AFMID: variants seen among roughly 807,000 people sequenced by gnomAD.
AFMID encodes the protein kynurenine formamidase.
In AFMID, 39 loss-of-function variants were observed where a neutral mutation model predicts 47.5. The ratio of observed to expected loss-of-function variants is 0.82; its 90% CI spans 0.64 to 1.07. AFMID has a LOEUF of 1.07. AFMID is among the 50% of genes least tolerant of loss of function. The pLI is 0.00. For missense variants in AFMID, 375 were observed against 387.5 expected (o/e 0.97, Z 0.27); for synonymous variants, 130 against 153.2 (o/e 0.85, Z 1.12).
At position 78,206,056 on chromosome 17, in the gene AFMID, G is replaced by A; in HGVS notation, c.885+6G>A. ...AGGACAACGTGCTCACCCAGGTGGG[G>A]CCTCATCCCTGGCAGCCCTTTCATG... On this transcript the variant is annotated splice_donor_region_variant and intron_variant, in intron 10 of 10. Coordinates refer to ENST00000409257, the MANE Select transcript of AFMID (RefSeq NM_001010982.5). 6.2e-7 allele frequency: 1 copy of A among 1,613,280 alleles called. No individual in the cohort carries two copies. Among genetic ancestry groups the A allele is most frequent in the Non-Finnish European group, 8.5e-7 (1 of 1,179,350 alleles).
chr17:78,204,691 C>G lies in AFMID; in HGVS notation c.344C>G (p.Thr115Arg). 6.2e-7 allele frequency: 1 copy of G among 1,614,194 alleles called. No homozygotes were observed. Among genetic ancestry groups the G allele is most frequent in the Non-Finnish European group, 8.5e-7 (1 of 1,180,048 alleles). ...DESAFMVHPL[T>R]AQGVAVVIVA... ...TCTGCCTTCATGGTCCACCCGCTGA[C>G]GGCACAGGGAGTGGCCGTGGTAATA... Residue 115 changes from threonine (T) to arginine (R), a missense_variant, in exon 5 of 11, where the codon ACG (threonine) becomes AGG (arginine). Thr to Arg is a moderately conservative substitution (Grantham distance 71). Transcript: ENST00000409257.
Position 78,206,038 on chromosome 17 carries a change from C to T in AFMID, c.873C>T (p.Asn291=), listed in dbSNP as rs745657671. Residue 291 remains asparagine (N), a synonymous_variant, in exon 10 of 11, where the codon AAC becomes AAT. Transcript: ENST00000409257. ...EIVENLTQKD[N]VLTQIILKTI... ...TTGAGAATCTGACCCAGAAGGACAA[C>T]GTGCTCACCCAGGTGGGGCCTCATC... The T allele has an allele frequency of 1.4e-5, 22 of 1,613,984 alleles. No individual in the cohort carries two copies. Among genetic ancestry groups the T allele is most frequent in the South Asian group, 3.3e-5 (3 of 91,078 alleles).
chr17:78,204,204 C>T (rs550384001), intron 4 of AFMID, among the ~76,000 whole-genome samples: 1 of 152,158 alleles, frequency 6.6e-6, no homozygotes, highest in Admixed American at 6.5e-5. Context: ...CCTATAATCC[C>T]ACACATTGGG....
At chr17:78,206,255 C>T (rs1462576240) in intron 10 of AFMID, among the ~76,000 whole-genome samples, 1 of 147,044 alleles carries the variant, frequency 6.8e-6, no homozygotes, top group South Asian at 2.2e-4. Context: ...ATGAGAATTG[C>T]TTTAACCCAG....
chr17:78,198,478 C>T (rs549705228), intron 2 of AFMID, among the ~76,000 whole-genome samples: 13 of 151,344 alleles, frequency 8.6e-5, no homozygotes, highest in African/African-American at 2.7e-4. Flanking sequence ...CATGGTGGTG[C>T]GTGCCTGTAA....
At chr17:78,202,913 C>T in intron 4 of AFMID, 162 bp downstream of exon 4, 2 of 897,132 alleles carry the variant, frequency 2.2e-6, no homozygotes, top group South Asian at 1.6e-5. Context: ...CAAATGTGGG[C>T]AGGGTTCCTA....
chr17:78,190,866 G>A (rs1034279486), intron 1 of AFMID, 104 bp from the exon 2 acceptor site: 4 of 965,524 alleles, frequency 4.1e-6, no homozygotes, highest in South Asian at 3.0e-5. Context: ...ATACTGGGGC[G>A]AGGGCTTCTA....
At position 78,206,796 on chromosome 17, in the gene AFMID, G is replaced by T. The variant is rs1287031872; in HGVS notation, c.886-115G>T. The T allele has an allele frequency of 1.2e-5, 13 of 1,128,486 alleles. No homozygotes were observed. The East Asian group carries it at 1.7e-4, about 15-fold the overall frequency. 69.9% of individuals were successfully genotyped at this position (1,128,486 alleles called of 1,614,324 possible). A position where few individuals can be genotyped will look rare whatever the true frequency, so the allele number is the denominator to read the frequency against. On this transcript the variant is annotated intron_variant, in intron 10 of 10. Coordinates refer to ENST00000409257, the MANE Select transcript of AFMID (RefSeq NM_001010982.5). ...ATCTTCCCACCTCAGCCTCCCGAAG[G>T]GTTGGGGTTGCAGACGTGAGCCACT...
intron 1 of AFMID, among the ~76,000 whole-genome samples, chr17:78,189,404 GT>G (rs1241380073): frequency 3.3e-5 from 5 of 149,748 alleles, no homozygotes; most frequent in Non-Finnish European, 5.9e-5. Flanking sequence ...TGTATTTTTA[GT>G]AGAGACGGAG....
intron 2 of AFMID, among the ~76,000 whole-genome samples, chr17:78,195,339 T>G (rs1259017578): frequency 1.3e-5 from 2 of 150,466 alleles, no homozygotes; most frequent in Non-Finnish European, 3.0e-5. Flanking sequence ...GGATTGCAGA[T>G]GTGCACCACC....
At chr17:78,189,176 AT>A (rs1328414892) in intron 1 of AFMID, among the ~76,000 whole-genome samples, 1 of 150,114 alleles carries the variant, frequency 6.7e-6, no homozygotes, top group African/African-American at 2.5e-5. Context: ...CCCATTTCTC[AT>A]GATGGTTTTG....
chr17:78,198,136 G>A (rs2076157598), intron 2 of AFMID, among the ~76,000 whole-genome samples: 1 of 152,116 alleles, frequency 6.6e-6, no homozygotes, highest in Non-Finnish European at 1.5e-5. Context: ...GGCAGAGGTG[G>A]GAAGCTTGTT....
intron 7 of AFMID, 36 bp from the exon 8 acceptor site, chr17:78,205,404 G>A: frequency 6.2e-7 from 1 of 1,610,900 alleles, no homozygotes; most frequent in Non-Finnish European, 8.5e-7. Flanking sequence ...TGCTCCGCCT[G>A]GAGCCTGGCC....
Position 78,205,660 on chromosome 17 carries a change from C to G in AFMID, c.702C>G (p.Asp234Glu). The G allele has an allele frequency of 6.2e-7, 1 of 1,613,704 alleles. No homozygotes were observed. The highest frequency in any genetic ancestry group is 8.5e-7 in the Non-Finnish European group (1 of 1,179,976). Reference sequence around the variant, plus strand: ...AGGTGGCCCAGGCACAGCCGGTGGACCCCACCTGCCGTGTGCTGGTGGTCG... The same window carrying G: ...AGGTGGCCCAGGCACAGCCGGTGGAGCCCACCTGCCGTGTGCTGGTGGTCG... ...QLKVAQAQPV[D>E]PTCRVLVVVG... Residue 234 changes from aspartate (D) to glutamate (E), a missense_variant, in exon 9 of 11, where the codon GAC becomes GAG. Asp to Glu is a conservative substitution (Grantham distance 45). Transcript: ENST00000409257.
intron 7 of AFMID, 117 bp from the exon 8 acceptor site, chr17:78,205,323 C>G: frequency 7.0e-7 from 1 of 1,435,512 alleles, no homozygotes; most frequent in East Asian, 2.3e-5. Flanking sequence ...TGAGCAAGGC[C>G]TTCTCTGCCT....
chr17:78,205,016 T>C (rs1412549849), intron 6 of AFMID, 77 bp from the exon 7 acceptor site: 1 of 1,565,646 alleles, frequency 6.4e-7, no homozygotes. Flanking sequence ...AGAAAGCAAA[T>C]TGGGACTCTT....
rs774596349 is a variant in AFMID at position 78,204,692 on chromosome 17, G to A, written c.345G>A (p.Thr115=). The A allele has an allele frequency of 3.2e-5, 51 of 1,614,180 alleles. 1 individual carries two copies. Among genetic ancestry groups the A allele is most frequent in the South Asian group, 7.7e-5 (7 of 91,072 alleles). Residue 115 remains threonine, a synonymous_variant, in exon 5 of 11, where the codon ACG becomes ACA. Coordinates refer to ENST00000409257, the MANE Select transcript of AFMID (RefSeq NM_001010982.5). Reference sequence around the variant, plus strand: ...CTGCCTTCATGGTCCACCCGCTGACGGCACAGGGAGTGGCCGTGGTAATAG... The same window carrying A: ...CTGCCTTCATGGTCCACCCGCTGACAGCACAGGGAGTGGCCGTGGTAATAG... ...DESAFMVHPL[T]AQGVAVVIVA...
At chr17:78,205,859 C>G in intron 9 of AFMID, 87 bp from the exon 10 acceptor site, 6 of 1,594,228 alleles carry the variant, frequency 3.8e-6, no homozygotes, top group Non-Finnish European at 5.1e-6. Flanking sequence ...CTGAGTGAAC[C>G]CTGACCTGTG....
chr17:78,188,798 T>C (rs1490243676), intron 1 of AFMID, among the ~76,000 whole-genome samples: 4 of 152,024 alleles, frequency 2.6e-5, no homozygotes, highest in Non-Finnish European at 1.5e-5. Context: ...GGGGTTTCAC[T>C]GTGTTAGCCA....
Sources: gnomAD v4.1 joint callset for allele counts (sites outside exome capture counted in the v4.1 genomes callset) on GRCh38, gnomAD v4.1.1 for gene constraint, MANE v1.5 for transcripts, NCBI Gene and HGNC (gene_info 2026-07-23, HGNC 2026-07-21) for gene names.